GALNT13: variants seen among roughly 807,000 people sequenced by gnomAD.
GALNT13 encodes polypeptide N-acetylgalactosaminyltransferase 13.
GALNT13 carries 28 observed loss-of-function variants against 64.2 expected under a neutral mutation model. That is an observed-to-expected ratio of 0.44 (90% CI 0.32 to 0.60). The LOEUF is 0.60. Ranked by LOEUF, GALNT13 falls within the 20% of genes least tolerant of loss-of-function variation. GALNT13 has a pLI of 0.05. For synonymous variants in GALNT13, 214 were observed against 224.6 expected (o/e 0.95, Z 0.42); for missense variants, 577 against 669.8 (o/e 0.86, Z 1.53).
At chr2:154,010,560 T>C (rs1337394789) in intron 3 of GALNT13, among the ~76,000 whole-genome samples, 1 of 152,276 alleles carries the variant, frequency 6.6e-6, no homozygotes, top group South Asian at 2.1e-4. Context: ...CTTTTTGTTG[T>C]GTCTCTTCCA....
At chr2:153,899,586 G>C (rs1348406527) in intron 1 of GALNT13, among the ~76,000 whole-genome samples, 1 of 152,056 alleles carries the variant, frequency 6.6e-6, no homozygotes, top group African/African-American at 2.4e-5. Flanking sequence ...TCATGGGCCA[G>C]GTAGAGACCT....
At chr2:153,526,430 C>G in the GALNT13 span, among the ~76,000 whole-genome samples, 1 of 152,198 alleles carries the variant, frequency 6.6e-6, no homozygotes, top group Non-Finnish European at 1.5e-5. Context: ...TAGAACTCAC[C>G]TGCATCTTGT....
the GALNT13 span, among the ~76,000 whole-genome samples, chr2:153,611,541 A>G: frequency 6.6e-6 from 1 of 151,812 alleles, no homozygotes; most frequent in Non-Finnish European, 1.5e-5. Context: ...GCTAATTTTT[A>G]GTAAAGACGG....
intron 12 of GALNT13, among the ~76,000 whole-genome samples, chr2:154,445,094 TG>T (rs1157891081): frequency 6.6e-6 from 1 of 152,066 alleles, no homozygotes; most frequent in Non-Finnish European, 1.5e-5. Flanking sequence ...AATAATTTTG[TG>T]TGTTTTTAAA....
the GALNT13 span, among the ~76,000 whole-genome samples, chr2:153,791,244 AC>A: frequency 2.7e-4 from 41 of 152,130 alleles, no homozygotes; most frequent in Non-Finnish European, 5.4e-4. Context: ...AAGAAGACAT[AC>A]CTGTGGCCAA....
chr2:154,355,028 A>G (rs1003931217), intron 9 of GALNT13, among the ~76,000 whole-genome samples: 9 of 152,036 alleles, frequency 5.9e-5, no homozygotes, highest in African/African-American at 2.2e-4. Context: ...ATCATAATCC[A>G]TTTAATTTTT....
chr2:153,647,634 A>T, the GALNT13 span, among the ~76,000 whole-genome samples: 2,264 of 152,246 alleles, frequency 0.015, 56 homozygotes, highest in African/African-American at 0.051. Context: ...TCTTGAATTA[A>T]TTTTTGTATA....
intron 3 of GALNT13, among the ~76,000 whole-genome samples, chr2:153,954,676 G>A (rs1373578631): frequency 6.6e-6 from 1 of 151,304 alleles, no homozygotes; most frequent in South Asian, 2.1e-4. Context: ...TGCTTTACAA[G>A]CAATATTTTG....
chr2:154,308,424 G>A (rs942927840), intron 9 of GALNT13, among the ~76,000 whole-genome samples: 1 of 152,074 alleles, frequency 6.6e-6, no homozygotes, highest in Non-Finnish European at 1.5e-5. Flanking sequence ...TTTTTGACAT[G>A]CTGATATTTT....
At chr2:153,866,219 A>C in the GALNT13 span, among the ~76,000 whole-genome samples, 1 of 140,370 alleles carries the variant, frequency 7.1e-6, no homozygotes, top group Admixed American at 7.3e-5. Context: ...CTAGATGACG[A>C]GTTAGTGGGT....
At chr2:153,220,646 C>T in the GALNT13 span, among the ~76,000 whole-genome samples, 1 of 152,238 alleles carries the variant, frequency 6.6e-6, no homozygotes, top group Non-Finnish European at 1.5e-5. Flanking sequence ...ACCTGCAAGA[C>T]ACCAACTTGG....
chr2:154,022,565 G>A (rs371604319), intron 3 of GALNT13, among the ~76,000 whole-genome samples: 20 of 151,974 alleles, frequency 1.3e-4, no homozygotes, highest in East Asian at 1.2e-3. Flanking sequence ...TTTTTATTGC[G>A]TCTATCTGAT....
chr2:154,296,548 G>A (rs146942675), intron 8 of GALNT13, among the ~76,000 whole-genome samples: 146 of 152,194 alleles, frequency 9.6e-4, no homozygotes, highest in African/African-American at 3.2e-3. Context: ...CTTAAATTCC[G>A]TCTCATGTAT....
chr2:153,568,158 A>G, the GALNT13 span, among the ~76,000 whole-genome samples: 1 of 152,168 alleles, frequency 6.6e-6, no homozygotes, highest in Non-Finnish European at 1.5e-5. Flanking sequence ...TTAACATTAA[A>G]CTTCAAATGT....
chr2:153,952,023 A>G (rs930269805), intron 3 of GALNT13, among the ~76,000 whole-genome samples: 1 of 152,164 alleles, frequency 6.6e-6, no homozygotes. Context: ...CTTGGGCAAC[A>G]TAAGTACTTG....
At chr2:154,434,608 G>A (rs781435314) in intron 11 of GALNT13, among the ~76,000 whole-genome samples, 1 of 152,098 alleles carries the variant, frequency 6.6e-6, no homozygotes, top group East Asian at 1.9e-4. Context: ...CGTCTTATAA[G>A]ATAGCTGAGA....
chr2:153,337,473 A>C, the GALNT13 span, among the ~76,000 whole-genome samples: 2 of 152,218 alleles, frequency 1.3e-5, no homozygotes, highest in Non-Finnish European at 2.9e-5. Flanking sequence ...AATCTATAAC[A>C]CTCAGAATCT....
intron 4 of GALNT13, among the ~76,000 whole-genome samples, chr2:154,155,760 T>C (rs1224255118): frequency 6.6e-6 from 1 of 151,988 alleles, no homozygotes; most frequent in East Asian, 1.9e-4. Context: ...TTAGAAAATT[T>C]ATATTTGGAC....
At chr2:153,797,388 T>G in the GALNT13 span, among the ~76,000 whole-genome samples, 1 of 152,234 alleles carries the variant, frequency 6.6e-6, no homozygotes, top group Non-Finnish European at 1.5e-5. Flanking sequence ...TACATTATAA[T>G]GTGAGCAAAG....
Sources: allele counts gnomAD v4.1 joint callset (sites outside exome capture counted in the v4.1 genomes callset), GRCh38; gene constraint gnomAD v4.1.1; transcripts MANE v1.5; gene names NCBI Gene and HGNC (gene_info 2026-07-23, HGNC 2026-07-21).